MAPK8: variants seen among roughly 807,000 people sequenced by gnomAD.
MAPK8 encodes the protein JUN N-terminal kinase.
In MAPK8, 13 loss-of-function variants were observed where a neutral mutation model predicts 52.9. That is an observed-to-expected ratio of 0.25 (90% CI 0.16 to 0.39). The LOEUF is 0.39. Among genes scored for constraint, MAPK8 ranks in the 10% least tolerant of loss-of-function variants. MAPK8 has a pLI of 1.00. For missense variants in MAPK8, 300 were observed against 519.2 expected, an observed-to-expected ratio of 0.58 and a Z score of 4.10; for synonymous variants, 191 against 169.8, an observed-to-expected ratio of 1.12 and a Z score of -0.97.
intron 1 of MAPK8, among the ~76,000 whole-genome samples, chr10:48,313,412 G>A (rs977078328): frequency 0.056 from 3 of 54 alleles, no homozygotes; most frequent in African/African-American, 0.19. Flanking sequence ...CAGCCTGGGC[G>A]GCAGAGGTGT....
At chr10:48,319,034 G>A (rs1842752564) in intron 1 of MAPK8, among the ~76,000 whole-genome samples, 1 of 152,134 alleles carries the variant, frequency 6.6e-6, no homozygotes, top group Admixed American at 6.5e-5. Flanking sequence ...GGTATGAGAG[G>A]ATTAGTCCTG....
chr10:48,308,332 A>T (rs1841604280), intron 1 of MAPK8: 1 of 152,186 alleles, frequency 6.6e-6, no homozygotes, highest in Non-Finnish European at 1.5e-5. Context: ...GCTCTTTGTA[A>T]TTGATAATAT....
Position 48,438,362 on chromosome 10 carries a change from TGAA to T in MAPK8, c.*3336_*3338del, listed in dbSNP as rs1376642792. On this transcript the variant is annotated 3_prime_UTR_variant, in exon 12 of 12. Transcript: ENST00000374189. ...AATTTTTCCTTAATAGCAAGAAAGATGAAGAGGTAAAGGGCATTGAAGCAGAAA... is the reference window on the plus strand; with the variant it reads ...AATTTTTCCTTAATAGCAAGAAAGATGAGGTAAAGGGCATTGAAGCAGAAA... The T allele has an allele frequency of 6.6e-6, 1 of 152,216 alleles. No individual in the cohort carries two copies. The highest frequency in any genetic ancestry group is 1.9e-4 in the East Asian group (1 of 5,202). The allele number at this position is 152,216 out of a possible 1,614,324, so 9.4% of individuals were successfully genotyped here.
At chr10:48,388,878 T>G (rs964561757) in intron 1 of MAPK8, among the ~76,000 whole-genome samples, 3 of 152,146 alleles carry the variant, frequency 2.0e-5, no homozygotes, top group Admixed American at 6.5e-5. Flanking sequence ...AGTCCAAGAT[T>G]GGGCACTTCA....
In MAPK8 at chr10:48,407,313, A is replaced by G. The variant is rs73309909; in HGVS notation, c.252+2332A>G. ...TCATCTTATTCACATGGATGTTATT[A>G]TTAGAAACATTTTGTAAAATGCCAT... On this transcript the variant is annotated intron_variant, in intron 3 of 11. Coordinates refer to ENST00000374189, the MANE Select transcript of MAPK8 (RefSeq NM_001323329.2). Among the ~76,000 whole-genome samples, 459 of 152,336 alleles carry G rather than the reference A, an allele frequency of 3.0e-3. 4 individuals carry two copies. The highest frequency in any genetic ancestry group is 0.011 in the African/African-American group (445 of 41,578).
intron 1 of MAPK8, among the ~76,000 whole-genome samples, chr10:48,335,402 A>G (rs1055447668): frequency 3.9e-5 from 6 of 152,184 alleles, no homozygotes; most frequent in Non-Finnish European, 7.3e-5. Flanking sequence ...GTGATAACCA[A>G]AAAGTTTGAC....
At chr10:48,349,687 AC>A (rs917966727) in intron 1 of MAPK8, among the ~76,000 whole-genome samples, 3 of 152,190 alleles carry the variant, frequency 2.0e-5, no homozygotes, top group Admixed American at 6.5e-5. Context: ...TAAAATCGAC[AC>A]CCTAACATCA....
intron 1 of MAPK8, among the ~76,000 whole-genome samples, chr10:48,377,295 A>C (rs1003442211): frequency 1.2e-4 from 19 of 152,110 alleles, no homozygotes; most frequent in Non-Finnish European, 2.6e-4. Flanking sequence ...CCACCATGGC[A>C]CATGTATACC....
At chr10:48,405,936 G>A (rs935845473) in intron 3 of MAPK8, among the ~76,000 whole-genome samples, 2 of 152,140 alleles carry the variant, frequency 1.3e-5, no homozygotes, top group Admixed American at 6.6e-5. Flanking sequence ...TTTATTTGGG[G>A]AGCTTACAAT....
At chr10:48,321,779 C>T (rs1485164260) in intron 1 of MAPK8, among the ~76,000 whole-genome samples, 1 of 151,974 alleles carries the variant, frequency 6.6e-6, no homozygotes, top group Non-Finnish European at 1.5e-5. Context: ...TCTTTCTTAC[C>T]AAATTGTCTT....
chr10:48,349,289 A>T (rs1189062275), intron 1 of MAPK8, among the ~76,000 whole-genome samples: 4 of 152,200 alleles, frequency 2.6e-5, no homozygotes, highest in Non-Finnish European at 5.9e-5. Flanking sequence ...AGACATCGAT[A>T]GAACTCTCCA....
At chr10:48,403,457 A>G (rs1418292217) in intron 2 of MAPK8, among the ~76,000 whole-genome samples, 1 of 141,828 alleles carries the variant, frequency 7.1e-6, no homozygotes, top group African/African-American at 2.6e-5. Flanking sequence ...GACTCCGTCT[A>G]AAAAAAAAAA....
At chr10:48,316,048 T>G (rs1177524031) in intron 1 of MAPK8, among the ~76,000 whole-genome samples, 5 of 152,222 alleles carry the variant, frequency 3.3e-5, no homozygotes, top group Non-Finnish European at 7.3e-5. Flanking sequence ...AAATGAATTG[T>G]GGTTTTCAAA....
intron 5 of MAPK8, among the ~76,000 whole-genome samples, chr10:48,416,577 C>A (rs1023628994): frequency 6.6e-6 from 1 of 152,208 alleles, no homozygotes; most frequent in African/African-American, 2.4e-5. Context: ...AACATAGGAA[C>A]TGGAATGACC....
At chr10:48,395,095 G>A (rs1402309898) in intron 1 of MAPK8, among the ~76,000 whole-genome samples, 1 of 151,864 alleles carries the variant, frequency 6.6e-6, no homozygotes. Context: ...CCAAATTGAT[G>A]TATACCATAA....
At chr10:48,373,921 C>T (rs2040489453) in intron 1 of MAPK8, among the ~76,000 whole-genome samples, 1 of 152,132 alleles carries the variant, frequency 6.6e-6, no homozygotes. Flanking sequence ...ACAGAACTCT[C>T]CACCCCAAAT....
intron 1 of MAPK8, among the ~76,000 whole-genome samples, chr10:48,329,360 C>T (rs938392951): frequency 6.6e-6 from 1 of 152,048 alleles, no homozygotes. Flanking sequence ...TTGCGAGCAC[C>T]AGTTAATTAA....
intron 1 of MAPK8, among the ~76,000 whole-genome samples, chr10:48,364,135 T>TGTA (rs1233187493): frequency 6.6e-6 from 1 of 152,202 alleles, no homozygotes; most frequent in Non-Finnish European, 1.5e-5. Flanking sequence ...GCTTCAGTTC[T>TGTA]GTAGTAATAT....
chr10:48,414,950 C>A (rs540594470), intron 5 of MAPK8, among the ~76,000 whole-genome samples: 30 of 152,020 alleles, frequency 2.0e-4, no homozygotes, highest in Non-Finnish European at 4.0e-4. Context: ...CGTCAAATAA[C>A]CTTACTCATG....
Sources: gnomAD v4.1 joint callset for allele counts (sites outside exome capture counted in the v4.1 genomes callset) on GRCh38, gnomAD v4.1.1 for gene constraint, MANE v1.5 for transcripts, NCBI Gene and HGNC (gene_info 2026-07-23, HGNC 2026-07-21) for gene names.